Variants in ARGLU1 observed in about 807,000 individuals in gnomAD.
The protein encoded by ARGLU1 is arginine and glutamate rich 1, also known as arginine and glutamate-rich protein 1.
Under a neutral mutation model 37.6 loss-of-function variants are expected in ARGLU1, and 9 were observed. The ratio of observed to expected loss-of-function variants is 0.24; its 90% CI spans 0.14 to 0.42. The LOEUF is 0.42. Ranked by LOEUF, ARGLU1 falls within the 10% of genes least tolerant of loss-of-function variation. ARGLU1 has a pLI of 1.00. For missense variants in ARGLU1, 211 were observed against 359.2 expected (o/e 0.59, Z 3.34); for synonymous variants, 166 against 138.5 (o/e 1.20, Z -1.39).
In ARGLU1 at chr13:106,557,854, G is replaced by C. The variant is rs527393590; in HGVS notation, c.574-723C>G. 1.0e-6 allele frequency: 1 copy of C among 985,404 alleles called. No homozygotes were observed. Among genetic ancestry groups the C allele is most frequent in the South Asian group, 4.7e-5 (1 of 21,286 alleles). The allele number at this position is 985,404 out of a possible 1,614,324, so 61.0% of individuals were successfully genotyped here. ...CATGGAACTACGGGCTTCTTCCATG[G>C]GGAAAATGGACTTAACATTCAGATG... On this transcript the variant is annotated intron_variant, in intron 2 of 3. Coordinates refer to ENST00000400198, the MANE Select transcript of ARGLU1 (RefSeq NM_018011.4). This position sits in a 1 kb window ranked among gnomAD's most constrained non-coding sequence, Gnocchi z 5.0.
At chr13:106,555,270 T>C (rs1266319229) in intron 3 of ARGLU1, among the ~76,000 whole-genome samples, 1 of 152,078 alleles carries the variant, frequency 6.6e-6, no homozygotes, top group Non-Finnish European at 1.5e-5. Flanking sequence ...GGCAGGAGAA[T>C]AGCCTGAACC....
At chr13:106,551,348 T>C (rs1880526158) in intron 3 of ARGLU1, among the ~76,000 whole-genome samples, 1 of 152,226 alleles carries the variant, frequency 6.6e-6, no homozygotes, top group Non-Finnish European at 1.5e-5. Flanking sequence ...AGTTCTGCCT[T>C]ATATACAACT....
At chr13:106,562,452 G>A (rs188804787) in intron 1 of ARGLU1, among the ~76,000 whole-genome samples, 2 of 152,200 alleles carry the variant, frequency 1.3e-5, no homozygotes, top group African/African-American at 4.8e-5. Context: ...TTTCTTGAGT[G>A]GGTCAGTGTC....
chr13:106,552,172 C>CAT (rs766801184), intron 3 of ARGLU1, among the ~76,000 whole-genome samples: 1 of 152,148 alleles, frequency 6.6e-6, no homozygotes, highest in Non-Finnish European at 1.5e-5. Context: ...TCAAACATGG[C>CAT]ATATCTTTTC....
intron 1 of ARGLU1, among the ~76,000 whole-genome samples, chr13:106,563,436 C>A (rs1181857819): frequency 6.6e-6 from 1 of 152,108 alleles, no homozygotes; most frequent in African/African-American, 2.4e-5. Flanking sequence ...TATACTACCA[C>A]CCTACACCGG....
chr13:106,557,465 T>G lies in ARGLU1; in HGVS notation c.574-334A>C. Reference sequence around the variant, plus strand: ...CAAATTAAAAAAATAATATATAAAATATAAATAAAGTGAATATTTGTCTCA... The same window carrying G: ...CAAATTAAAAAAATAATATATAAAAGATAAATAAAGTGAATATTTGTCTCA... On this transcript the variant is annotated intron_variant, in intron 2 of 3. Coordinates refer to ENST00000400198, the MANE Select transcript of ARGLU1 (RefSeq NM_018011.4). This position sits in a 1 kb window ranked among gnomAD's most constrained non-coding sequence, Gnocchi z 5.0. 1 of 965,784 alleles carries G rather than the reference T, an allele frequency of 1.0e-6. No individual in the cohort carries two copies. The highest frequency in any genetic ancestry group is 1.4e-6 in the Non-Finnish European group (1 of 715,168). 59.8% of individuals were successfully genotyped at this position (965,784 alleles called of 1,614,324 possible).
intron 3 of ARGLU1, 77 bp from the exon 4 acceptor site, chr13:106,544,237 T>C: frequency 7.8e-7 from 1 of 1,282,518 alleles, no homozygotes; most frequent in East Asian, 2.9e-5. Context: ...AGGTGTTATC[T>C]ATTATGTATC....
In ARGLU1 at chr13:106,557,505, C is replaced by A; in HGVS notation, c.574-374G>T. 7.3e-7 allele frequency: 1 copy of A among 1,374,272 alleles called. No homozygotes were observed. Among genetic ancestry groups the A allele is most frequent in the Non-Finnish European group, 9.8e-7 (1 of 1,020,554 alleles). 85.1% of individuals were successfully genotyped at this position (1,374,272 alleles called of 1,614,324 possible). A position where few individuals can be genotyped will look rare whatever the true frequency, so the allele number is the denominator to read the frequency against. ...TATTTGTCTCACCAATTATGTATAC[C>A]TACGTATTCTTTACCTATACTCCTT... On this transcript the variant is annotated intron_variant, in intron 2 of 3. Coordinates refer to ENST00000400198, the MANE Select transcript of ARGLU1 (RefSeq NM_018011.4). The surrounding 1 kb of genome is among the most constrained non-coding windows in gnomAD (Gnocchi z 5.0).
chr13:106,561,430 C>T (rs1284638859), intron 1 of ARGLU1, among the ~76,000 whole-genome samples: 37 of 112,998 alleles, frequency 3.3e-4, no homozygotes, highest in African/African-American at 1.2e-3. Context: ...AGTGTACACA[C>T]ACACACACAC....
intron 3 of ARGLU1, among the ~76,000 whole-genome samples, chr13:106,546,428 T>C (rs1026338835): frequency 6.6e-6 from 1 of 152,252 alleles, no homozygotes; most frequent in Admixed American, 6.5e-5. Context: ...CTTTTGCTCA[T>C]GCCATTCTTT....
Position 106,567,432 on chromosome 13 carries a change from C to A in ARGLU1, c.347+141G>T. The A allele has an allele frequency of 1.8e-6, 1 of 570,044 alleles. No individual in the cohort carries two copies. The allele number at this position is 570,044 out of a possible 1,614,324, so 35.3% of individuals were successfully genotyped here. On this transcript the variant is annotated intron_variant, in intron 1 of 3. Coordinates refer to ENST00000400198, the MANE Select transcript of ARGLU1 (RefSeq NM_018011.4). This position sits in a 1 kb window ranked among gnomAD's most constrained non-coding sequence, Gnocchi z 4.3. ...GCCTGCCCGCCCCGCCGCCGCCTCT[C>A]CGACCCGTTCCCGCGCCCGGTCCCC...
At chr13:106,547,225 A>G (rs1743829548) in intron 3 of ARGLU1, among the ~76,000 whole-genome samples, 1 of 152,208 alleles carries the variant, frequency 6.6e-6, no homozygotes, top group Non-Finnish European at 1.5e-5. Context: ...TTTATAAATT[A>G]CCCTGTTAGA....
At chr13:106,558,080 A>C in intron 2 of ARGLU1, 1 of 985,386 alleles carries the variant, frequency 1.0e-6, no homozygotes, top group Non-Finnish European at 1.2e-6. Flanking sequence ...TATTCAAATG[A>C]TTTTAATATT....
At chr13:106,553,782 G>C (rs1235379039) in intron 3 of ARGLU1, among the ~76,000 whole-genome samples, 1 of 152,112 alleles carries the variant, frequency 6.6e-6, no homozygotes, top group African/African-American at 2.4e-5. Flanking sequence ...TAACATCATT[G>C]TATTATTTTT....
chr13:106,567,866 G>A lies in ARGLU1; in HGVS notation c.54C>T (p.Ser18=). ...ACCGGCTGCGCTTCTTGTTGTGCTT[G>A]CTGCTCTTGGTGTGCTTGGAGCGGG... ...SSSRSKHTKS[S]KHNKKRSRSR... is the part of the protein sequence containing the mutation. Residue 18 remains serine (S), a synonymous_variant, in exon 1 of 4, where the codon AGC becomes AGT. Coordinates refer to ENST00000400198, the MANE Select transcript of ARGLU1 (RefSeq NM_018011.4). The surrounding 1 kb of genome is among the most constrained non-coding windows in gnomAD (Gnocchi z 4.3). 1 of 1,612,890 alleles carries A rather than the reference G, an allele frequency of 6.2e-7. No homozygotes were observed. The highest frequency in any genetic ancestry group is 8.5e-7 in the Non-Finnish European group (1 of 1,179,878).
At chr13:106,563,591 G>A (rs1480463518) in intron 1 of ARGLU1, among the ~76,000 whole-genome samples, 1 of 152,160 alleles carries the variant, frequency 6.6e-6, no homozygotes, top group African/African-American at 2.4e-5. Context: ...ATTACTTGAG[G>A]CCAGGAGTTC....
In ARGLU1 at chr13:106,544,020, G is replaced by A. The variant is rs776901750; in HGVS notation, c.798C>T (p.Ser266=). 2 of 1,587,866 alleles carry A rather than the reference G, an allele frequency of 1.3e-6. No homozygotes were observed. The highest frequency in any genetic ancestry group is 2.3e-5 in the East Asian group (1 of 43,308). ...TTTAATCCTGGGTTTTTAATGAGAA[G>A]GACAGTTTTGGCCTGGACTTCCCCT... ...LGKGKSRPKL[S]FSLKTQD The change falls in exon 4 of 4, where the codon TCC becomes TCT. Residue 266 remains serine (S), a synonymous_variant. Transcript: ENST00000400198.
chr13:106,549,280 ACAG>A (rs1880474256), intron 3 of ARGLU1, among the ~76,000 whole-genome samples: 1 of 152,214 alleles, frequency 6.6e-6, no homozygotes, highest in African/African-American at 2.4e-5. Flanking sequence ...TGGATGAAAA[ACAG>A]CACAATTAGA....
At chr13:106,559,834 A>G (rs1415852686) in intron 1 of ARGLU1, among the ~76,000 whole-genome samples, 177 bp from the exon 2 acceptor site, 1 of 152,244 alleles carries the variant, frequency 6.6e-6, no homozygotes, top group African/African-American at 2.4e-5. Context: ...TAACTGATAC[A>G]GAAATTCAAA....
Sources: allele counts gnomAD v4.1 joint callset (sites outside exome capture counted in the v4.1 genomes callset), GRCh38; gene constraint gnomAD v4.1.1; non-coding constraint Gnocchi (gnomAD v3.1); transcripts MANE v1.5; gene names NCBI Gene and HGNC (gene_info 2026-07-23, HGNC 2026-07-21).